Variants in CNTNAP2 observed in about 807,000 individuals in gnomAD.
The protein encoded by CNTNAP2 is contactin associated protein 2, also known as contactin-associated protein-like 2.
In CNTNAP2, 98 loss-of-function variants were observed where a neutral mutation model predicts 155.2. That is an observed-to-expected ratio of 0.63 (90% CI 0.54 to 0.75). The LOEUF (loss-of-function observed/expected upper bound fraction) is 0.75, where lower values mean the gene tolerates loss of function less well. Among genes scored for constraint, CNTNAP2 ranks in the 30% least tolerant of loss-of-function variants. The pLI is 0.00. For synonymous variants in CNTNAP2, 651 were observed against 631.2 expected, an observed-to-expected ratio of 1.03 and a Z score of -0.47; for missense variants, 1,727 against 1,688.1, an observed-to-expected ratio of 1.02 and a Z score of -0.40.
intron 11 of CNTNAP2, among the ~76,000 whole-genome samples, chr7:147,498,107 G>C (rs1333517088): frequency 6.6e-6 from 1 of 150,984 alleles, no homozygotes; most frequent in Non-Finnish European, 1.5e-5. Context: ...CTTGCTGCTT[G>C]GTTGTTAGTA....
chr7:147,606,646 T>C (rs530562368), intron 12 of CNTNAP2, among the ~76,000 whole-genome samples: 3 of 152,280 alleles, frequency 2.0e-5, no homozygotes, highest in East Asian at 1.9e-4. Context: ...ATGGCACCCA[T>C]AGGGACCTTA....
At chr7:148,401,646 T>G (rs1056121529) in intron 22 of CNTNAP2, among the ~76,000 whole-genome samples, 5 of 152,070 alleles carry the variant, frequency 3.3e-5, no homozygotes, top group Non-Finnish European at 7.4e-5. Context: ...TTGCCCAGGC[T>G]GGAGTGCAGT....
intron 13 of CNTNAP2, among the ~76,000 whole-genome samples, chr7:147,817,756 T>A (rs1464482242): frequency 6.6e-5 from 10 of 151,720 alleles, no homozygotes; most frequent in Non-Finnish European, 1.5e-4. Context: ...ACAAAAAAAA[T>A]TAGCCGGGCA....
intron 3 of CNTNAP2, among the ~76,000 whole-genome samples, chr7:146,958,942 T>G (rs62483966): frequency 1.3e-5 from 2 of 152,246 alleles, no homozygotes; most frequent in East Asian, 3.9e-4. Flanking sequence ...TTGTCGTTTC[T>G]ATCATATTCT....
chr7:148,419,382 C>T lies in CNTNAP2; in HGVS notation c.*3766C>T, dbSNP rs940777177. 5.3e-5 allele frequency: 8 copies of T among 152,376 alleles called. No individual in the cohort carries two copies. Among genetic ancestry groups the T allele is most frequent in the African/African-American group, 1.9e-4 (8 of 41,432 alleles). 9.4% of individuals were successfully genotyped at this position (152,376 alleles called of 1,614,324 possible). On this transcript the variant is annotated 3_prime_UTR_variant, in exon 24 of 24. Coordinates refer to ENST00000361727, the MANE Select transcript of CNTNAP2 (RefSeq NM_014141.6). Reference sequence around the variant, plus strand: ...AAACAGTAACAATGTCCCCAGCTGACTTCAGCTAAGAACCAATGGCTCCTA... The same window carrying T: ...AAACAGTAACAATGTCCCCAGCTGATTTCAGCTAAGAACCAATGGCTCCTA...
At chr7:146,705,493 C>T (rs185804677) in intron 1 of CNTNAP2, among the ~76,000 whole-genome samples, 22 of 152,132 alleles carry the variant, frequency 1.4e-4, no homozygotes, top group Non-Finnish European at 2.2e-4. Context: ...CCTATCACCC[C>T]GCAAAATGCT....
chr7:148,257,693 A>G (rs1431401915), intron 20 of CNTNAP2, among the ~76,000 whole-genome samples: 1 of 152,184 alleles, frequency 6.6e-6, no homozygotes, highest in Non-Finnish European at 1.5e-5. Flanking sequence ...CAAGACTCTC[A>G]GAGCAGAGCA....
chr7:147,419,161 A>G (rs1243553523), intron 10 of CNTNAP2, among the ~76,000 whole-genome samples: 3 of 152,188 alleles, frequency 2.0e-5, no homozygotes, highest in Non-Finnish European at 4.4e-5. Context: ...ACTGAAGTGT[A>G]CGGTTTCAGA....
At chr7:148,282,626 A>G (rs1796993991) in intron 21 of CNTNAP2, among the ~76,000 whole-genome samples, 1 of 152,176 alleles carries the variant, frequency 6.6e-6, no homozygotes, top group Non-Finnish European at 1.5e-5. Context: ...ATCCTGGGTC[A>G]CTCATAAAAA....
chr7:146,549,126 C>A (rs184619055), intron 1 of CNTNAP2, among the ~76,000 whole-genome samples: 4 of 151,442 alleles, frequency 2.6e-5, no homozygotes, highest in Non-Finnish European at 5.9e-5. Flanking sequence ...TATCTTTACC[C>A]AATTTCCTAT....
At chr7:147,444,434 C>T (rs963022664) in intron 10 of CNTNAP2, among the ~76,000 whole-genome samples, 2 of 151,206 alleles carry the variant, frequency 1.3e-5, no homozygotes, top group African/African-American at 4.9e-5. Flanking sequence ...AATTCTAAAG[C>T]TTACATTATA....
intron 1 of CNTNAP2, among the ~76,000 whole-genome samples, chr7:146,492,756 ATACAG>A (rs1392627584): frequency 2.6e-5 from 4 of 152,226 alleles, no homozygotes; most frequent in Non-Finnish European, 5.9e-5. Context: ...TGATATGCAT[ATACAG>A]TAAAGTGTAT....
chr7:147,663,120 T>C (rs1795640445), intron 13 of CNTNAP2, among the ~76,000 whole-genome samples: 1 of 152,158 alleles, frequency 6.6e-6, no homozygotes, highest in South Asian at 2.1e-4. Context: ...TGCCTCAGCC[T>C]CCTGAGCAGC....
intron 13 of CNTNAP2, among the ~76,000 whole-genome samples, chr7:147,794,738 T>C (rs1352005734): frequency 8.0e-6 from 1 of 125,052 alleles, no homozygotes; most frequent in Non-Finnish European, 1.7e-5. Flanking sequence ...TTATGGGTAG[T>C]TTTTTTTTTA....
chr7:146,571,224 T>A (rs1434376416), intron 1 of CNTNAP2, among the ~76,000 whole-genome samples: 2 of 152,116 alleles, frequency 1.3e-5, no homozygotes, highest in Non-Finnish European at 2.9e-5. Flanking sequence ...GCAGACTGTA[T>A]ATGAGCTGTG....
At chr7:146,717,947 T>A (rs1801220342) in intron 1 of CNTNAP2, among the ~76,000 whole-genome samples, 1 of 152,058 alleles carries the variant, frequency 6.6e-6, no homozygotes, top group African/African-American at 2.4e-5. Flanking sequence ...ATGGGATGCC[T>A]TTATAAAATT....
At chr7:146,140,401 T>A (rs1328644767) in intron 1 of CNTNAP2, among the ~76,000 whole-genome samples, 1 of 152,110 alleles carries the variant, frequency 6.6e-6, no homozygotes, top group Non-Finnish European at 1.5e-5. Flanking sequence ...GCCACACGTG[T>A]CTGTCCTGAG....
At chr7:147,815,733 C>G (rs1584970448) in intron 13 of CNTNAP2, among the ~76,000 whole-genome samples, 1 of 152,178 alleles carries the variant, frequency 6.6e-6, no homozygotes, top group Admixed American at 6.5e-5. Context: ...GGCCATTATG[C>G]TGCTTATCAC....
At chr7:148,168,750 A>G (rs1216328337) in intron 17 of CNTNAP2, among the ~76,000 whole-genome samples, 1 of 152,240 alleles carries the variant, frequency 6.6e-6, no homozygotes, top group Non-Finnish European at 1.5e-5. Context: ...TCATCATGTT[A>G]ACATTCAGAG....
Sources: allele counts gnomAD v4.1 joint callset (sites outside exome capture counted in the v4.1 genomes callset), GRCh38; gene constraint gnomAD v4.1.1; transcripts MANE v1.5; gene names NCBI Gene and HGNC (gene_info 2026-07-23, HGNC 2026-07-21).